Variants in USP4 observed in about 807,000 individuals in gnomAD.
USP4 encodes ubiquitin specific peptidase 4.
USP4 carries 72 observed loss-of-function variants against 118.2 expected under a neutral mutation model. That is an observed-to-expected ratio of 0.61 (90% CI 0.50 to 0.74). The LOEUF is 0.74. Among genes scored for constraint, USP4 ranks in the 30% least tolerant of loss-of-function variants. The probability of loss-of-function intolerance (pLI) is 0.00; values close to 1 mark genes in which losing one functional copy is unlikely to be tolerated. For synonymous variants in USP4, 415 were observed against 440.4 expected (o/e 0.94, Z 0.72); for missense variants, 1,037 against 1,185.7 (o/e 0.87, Z 1.84).
chr3:49,278,388 G>C lies in USP4; in HGVS notation c.2797C>G (p.Leu933Val). The change falls in exon 22 of 22, where the codon CTT becomes GTT. Residue 933 changes from leucine to valine, a missense_variant. Leu to Val is a conservative substitution (Grantham distance 32, BLOSUM62 1). This residue lies in a region of USP4 where 522 missense variants were observed against 592.6 expected (regional missense o/e 0.88). Transcript: ENST00000265560. ...RDDEFYKTPS[L>V]SSSGSSDGGT... is the part of the protein sequence containing the mutation. ...CCATCAGAGGAACCAGAACTGCTAA[G>C]TGAAGGTGTCTTATAAAATTCATCA... The C allele has an allele frequency of 6.2e-7, 1 of 1,614,146 alleles. No individual in the cohort carries two copies. The highest frequency in any genetic ancestry group is 8.5e-7 in the Non-Finnish European group (1 of 1,180,026).
chr3:49,324,239 G>A (rs555700602), intron 6 of USP4, among the ~76,000 whole-genome samples: 2 of 152,214 alleles, frequency 1.3e-5, no homozygotes, highest in South Asian at 4.1e-4. Flanking sequence ...CCTCAGGTGA[G>A]CCACCTCCCA....
chr3:49,283,874 C>T (rs2047065203), intron 19 of USP4, 113 bp downstream of exon 19: 2 of 1,300,778 alleles, frequency 1.5e-6, no homozygotes, highest in African/African-American at 1.5e-5. Context: ...TAGACCCCGG[C>T]AACACACATC....
intron 13 of USP4, among the ~76,000 whole-genome samples, chr3:49,295,591 G>T (rs539263675): frequency 2.0e-5 from 3 of 151,956 alleles, no homozygotes; most frequent in African/African-American, 7.3e-5. Flanking sequence ...GTTTTATCCT[G>T]GAACAGATGT....
At chr3:49,327,254 C>A (rs1277846413) in intron 3 of USP4, among the ~76,000 whole-genome samples, 1 of 152,052 alleles carries the variant, frequency 6.6e-6, no homozygotes, top group Non-Finnish European at 1.5e-5. Context: ...GAACCAGAAA[C>A]AGGCTGGGCG....
chr3:49,338,172 G>A (rs1306784066), intron 1 of USP4, among the ~76,000 whole-genome samples: 1 of 150,944 alleles, frequency 6.6e-6, no homozygotes, highest in African/African-American at 2.4e-5. Flanking sequence ...ACCAACAAAT[G>A]TGAGAGGAGG....
chr3:49,340,004 G>C lies in USP4; in HGVS notation c.21C>G (p.Cys7Trp), dbSNP rs771244239. The change falls in exon 1 of 22, where the codon TGC (cysteine) becomes TGG (tryptophan). Residue 7 changes from cysteine (C) to tryptophan (W), a missense_variant. By Grantham distance (215) the Cys-to-Trp change is radical. Coordinates refer to ENST00000265560, the MANE Select transcript of USP4 (RefSeq NM_003363.4). Reference protein sequence around the residue: MAEGGGCRERPDAETQK... With the variant: MAEGGGWRERPDAETQK... ...GAGTCTCCGCATCCGGTCGCTCACGGCAGCCTCCACCTTCCGCCATCTCCT... is the reference window on the plus strand; with the variant it reads ...GAGTCTCCGCATCCGGTCGCTCACGCCAGCCTCCACCTTCCGCCATCTCCT... 5 of 1,609,630 alleles carry C rather than the reference G, an allele frequency of 3.1e-6. No homozygotes were observed. Among genetic ancestry groups the C allele is most frequent in the Non-Finnish European group, 4.2e-6 (5 of 1,179,778 alleles).
At chr3:49,315,171 AG>A (rs2047422522) in intron 6 of USP4, among the ~76,000 whole-genome samples, 1 of 151,752 alleles carries the variant, frequency 6.6e-6, no homozygotes, top group South Asian at 2.1e-4. Context: ...GCACTTTGGG[AG>A]GCTGAACTTC....
At chr3:49,278,974 CTAAA>C (rs2107761211) in intron 20 of USP4, 72 bp from the exon 21 acceptor site, 2 of 1,003,782 alleles carry the variant, frequency 2.0e-6, no homozygotes, top group Admixed American at 2.7e-5. Context: ...TAGGCTTGCA[CTAAA>C]TAAACACAAA....
chr3:49,331,335 G>A (rs933379854), intron 2 of USP4, among the ~76,000 whole-genome samples: 20 of 151,140 alleles, frequency 1.3e-4, no homozygotes, highest in African/African-American at 3.4e-4. Context: ...AAAAAAAATC[G>A]GTAAACTTGT....
Position 49,290,078 on chromosome 3 carries a change from C to T in USP4, c.1972+2432G>A, listed in dbSNP as rs147380408. 1.2e-3 allele frequency among the ~76,000 whole-genome samples: 183 copies of T among 152,054 alleles called. No homozygotes were observed. In the Middle Eastern group the frequency reaches 0.017, roughly 14 times the overall value. On this transcript the variant is annotated intron_variant, in intron 15 of 21. Transcript: ENST00000265560. ...TCAAGGCTGCAGTGAGCCATGATTG[C>T]GCCACTGTATTCCAGCCATATTCAA...
chr3:49,280,185 C>T (rs2047003352), intron 20 of USP4, among the ~76,000 whole-genome samples: 1 of 151,766 alleles, frequency 6.6e-6, no homozygotes, highest in African/African-American at 2.4e-5. Flanking sequence ...ATCGCTTGAA[C>T]CCGGGAGGTG....
chr3:49,295,621 C>T (rs2047196521), intron 13 of USP4, among the ~76,000 whole-genome samples: 2 of 151,396 alleles, frequency 1.3e-5, no homozygotes, highest in Admixed American at 1.3e-4. Flanking sequence ...TGCTGGCAAC[C>T]GACTGTAGTC....
intron 9 of USP4, among the ~76,000 whole-genome samples, chr3:49,303,438 CAAAAAAAAAA>C (rs1173726988): frequency 1.3e-4 from 3 of 23,344 alleles, no homozygotes; most frequent in African/African-American, 4.9e-4. Flanking sequence ...AAGGCTGTCT[CAAAAAAAAAA>C]AAAAAAAAAA....
intron 13 of USP4, among the ~76,000 whole-genome samples, chr3:49,295,714 G>GCGCGCGCGCGCGCGCGCACA (rs149459963): frequency 2.0e-5 from 3 of 148,320 alleles, no homozygotes; most frequent in African/African-American, 7.8e-5. Flanking sequence ...GCGCGCGCGC[G>GCGCGCGCGCGCGCGCGCACA]CACACACACA....
intron 2 of USP4, among the ~76,000 whole-genome samples, chr3:49,334,095 A>C (rs1415267325): frequency 6.6e-6 from 1 of 152,258 alleles, no homozygotes; most frequent in African/African-American, 2.4e-5. Context: ...TATTTTGAGA[A>C]TTACCAAAAT....
At chr3:49,320,111 G>A (rs2047483268) in intron 6 of USP4, among the ~76,000 whole-genome samples, 1 of 152,022 alleles carries the variant, frequency 6.6e-6, no homozygotes, top group Admixed American at 6.6e-5. Context: ...GTAGAGACAG[G>A]AGTCTTGCTA....
intron 2 of USP4, among the ~76,000 whole-genome samples, chr3:49,334,379 G>A (rs1168019536): frequency 6.6e-6 from 1 of 152,150 alleles, no homozygotes; most frequent in Non-Finnish European, 1.5e-5. Context: ...ACCTATTTCA[G>A]GAAACAAAGT....
At chr3:49,287,166 ATTTT>A (rs1183185599) in intron 15 of USP4, among the ~76,000 whole-genome samples, 1 of 150,038 alleles carries the variant, frequency 6.7e-6, no homozygotes, top group Non-Finnish European at 1.5e-5. Context: ...TTATTTATTT[ATTTT>A]TTGAGACGGA....
At chr3:49,309,619 CTTTTT>C (rs35128646) in intron 8 of USP4, among the ~76,000 whole-genome samples, 7 of 79,360 alleles carry the variant, frequency 8.8e-5, no homozygotes, top group African/African-American at 3.0e-4. Flanking sequence ...GGCGGGACAG[CTTTTT>C]TTTTTTTTTT....
Sources: gnomAD v4.1 joint callset for allele counts (sites outside exome capture counted in the v4.1 genomes callset) on GRCh38, gnomAD v4.1.1 for gene constraint, gnomAD v4.1.1 regional missense constraint, MANE v1.5 for transcripts, NCBI Gene and HGNC (gene_info 2026-07-23, HGNC 2026-07-21) for gene names.